IL6R: variants seen among roughly 807,000 people sequenced by gnomAD.
IL6R encodes interleukin 6 receptor, also known as interleukin-6 receptor subunit alpha.
A neutral mutation model predicts 48.3 loss-of-function variants in IL6R; 38 were observed. The observed-to-expected ratio is 0.79, with a 90% CI of 0.61 to 1.03. The LOEUF (loss-of-function observed/expected upper bound fraction) is 1.03, where lower values mean the gene tolerates loss of function less well. Ranked by LOEUF, IL6R falls within the 50% of genes least tolerant of loss-of-function variation. IL6R has a pLI of 0.00. For synonymous variants in IL6R, 264 were observed against 256.2 expected, an observed-to-expected ratio of 1.03 and a Z score of -0.29; for missense variants, 534 against 618.3, an observed-to-expected ratio of 0.86 and a Z score of 1.45.
intron 3 of IL6R, among the ~76,000 whole-genome samples, chr1:154,433,775 A>T (rs1007239803): frequency 1.3e-5 from 2 of 151,264 alleles, no homozygotes; most frequent in African/African-American, 4.9e-5. Flanking sequence ...CCCAGGCTGG[A>T]GTGCAGTCTC....
rs1691502650 is a variant in IL6R, at chr1:154,465,309, A to T, written c.1336A>T (p.Asn446Tyr). The change falls in exon 10 of 10, where the codon AAC becomes TAC. Residue 446 changes from asparagine to tyrosine, a missense_variant. Coordinates refer to ENST00000368485, the MANE Select transcript of IL6R (RefSeq NM_000565.4). ...SLGSDNTSSH[N>Y]RPDARDPRSP... The stretch of plus-strand genomic sequence containing the variant: ...GGGGTCTGACAATACCTCGAGCCAC[A>T]ACCGACCAGATGCCAGGGACCCACG... The T allele has an allele frequency of 6.2e-7, 1 of 1,614,082 alleles. No homozygotes were observed. The highest frequency in any genetic ancestry group is 1.3e-5 in the African/African-American group (1 of 74,928).
Position 154,405,555 on chromosome 1 carries a change from T to G in IL6R, c.-75T>G. The G allele has an allele frequency of 2.6e-5, 1 of 38,370 alleles. No individual in the cohort carries two copies. The highest frequency in any genetic ancestry group is 4.7e-5 in the Non-Finnish European group (1 of 21,248). 2.4% of individuals were successfully genotyped at this position (38,370 alleles called of 1,614,324 possible). ...CCCGCCCACCGCCCCGCCCCGCCCCTGCCACCCCTGCCGCCCGGTTCCCAT... is the reference window on the plus strand; with the variant it reads ...CCCGCCCACCGCCCCGCCCCGCCCCGGCCACCCCTGCCGCCCGGTTCCCAT... On this transcript the variant is annotated 5_prime_UTR_variant, in exon 1 of 10. Coordinates refer to ENST00000368485, the MANE Select transcript of IL6R (RefSeq NM_000565.4). This position sits in a 1 kb window ranked among gnomAD's most constrained non-coding sequence, Gnocchi z 5.2.
chr1:154,446,362 T>G (rs1690229012), intron 6 of IL6R, among the ~76,000 whole-genome samples: 1 of 152,148 alleles, frequency 6.6e-6, no homozygotes, highest in South Asian at 2.1e-4. Context: ...TCCCCCTTAC[T>G]GGTGATGGCA....
At chr1:154,463,214 A>G (rs1039392356) in intron 9 of IL6R, among the ~76,000 whole-genome samples, 1 of 152,064 alleles carries the variant, frequency 6.6e-6, no homozygotes, top group East Asian at 1.9e-4. Flanking sequence ...CCTGGGTCAG[A>G]GAGTCTGAAT....
intron 3 of IL6R, among the ~76,000 whole-genome samples, chr1:154,433,002 G>C (rs1343798044): frequency 6.6e-6 from 1 of 152,254 alleles, no homozygotes; most frequent in African/African-American, 2.4e-5. Context: ...GGTGAGCTCA[G>C]CCTCTGCCTT....
At position 154,434,630 on chromosome 1, in the gene IL6R, G is replaced by A; in HGVS notation, c.570G>A (p.Val190=). Residue 190 remains valine, a synonymous_variant, in exon 4 of 10, where the codon GTG becomes GTA. Coordinates refer to ENST00000368485, the MANE Select transcript of IL6R (RefSeq NM_000565.4). ...VPEGDSSFYI[V]SMCVASSVGS... Reference sequence around the variant, plus strand: ...AGGGAGACAGCTCTTTCTACATAGTGTCCATGTGCGTCGCCAGTAGTGTCG... The same window carrying A: ...AGGGAGACAGCTCTTTCTACATAGTATCCATGTGCGTCGCCAGTAGTGTCG... The A allele has an allele frequency of 1.2e-6, 2 of 1,614,152 alleles. No individual in the cohort carries two copies. The highest frequency in any genetic ancestry group is 1.7e-5 in the Admixed American group (1 of 60,020).
chr1:154,423,956 G>A (rs1438331345), intron 1 of IL6R, among the ~76,000 whole-genome samples: 2 of 152,322 alleles, frequency 1.3e-5, no homozygotes, highest in Middle Eastern at 3.4e-3. Context: ...CAGGCTGGCC[G>A]CTAAACATGG....
chr1:154,432,808 G>A (rs574084849), intron 3 of IL6R, among the ~76,000 whole-genome samples: 163 of 152,334 alleles, frequency 1.1e-3, no homozygotes, highest in African/African-American at 3.9e-3. Context: ...AGGGGAAGTG[G>A]CTTCGAGAGC....
rs574651297 is a variant in IL6R at position 154,430,424 on chromosome 1, G to A, written c.335-59G>A. ...TCAAGGGAGGCTGCCCTGTCTGCGA[G>A]GTCAGTGCGCCCCAGGATCCCCGCC... On this transcript the variant is annotated intron_variant, in intron 2 of 9. Transcript: ENST00000368485. The A allele has an allele frequency of 1.0e-4, 161 of 1,594,442 alleles. 1 individual carries two copies. The South Asian group carries it at 1.6e-3, about 15-fold the overall frequency.
chr1:154,412,060 G>A (rs985990377), intron 1 of IL6R, among the ~76,000 whole-genome samples: 1 of 148,938 alleles, frequency 6.7e-6, no homozygotes, highest in African/African-American at 2.5e-5. Flanking sequence ...CAGTTCTCCT[G>A]CCTCAGCCTC....
rs140751039 is a variant in IL6R at position 154,410,253 on chromosome 1, CT to C, written c.85+4553del. Among the ~76,000 whole-genome samples the C allele has an allele frequency of 9.1e-3, 1,301 of 143,256 alleles. 2 individuals are homozygous for C. Among genetic ancestry groups the C allele is most frequent in the African/African-American group, 0.014 (558 of 39,168 alleles). 94.0% of individuals were successfully genotyped at this position (143,256 alleles called of 152,430 possible). A position where few individuals can be genotyped will look rare whatever the true frequency, so the allele number is the denominator to read the frequency against. On this transcript the variant is annotated intron_variant, in intron 1 of 9. Transcript: ENST00000368485. ...AAGGGGAAGGTGACAAAGAAAAGGC[CT>C]TTTTTTTTTTTTTAAATACAGGATC...
chr1:154,456,845 GA>G (rs1164612861), intron 9 of IL6R, among the ~76,000 whole-genome samples: 2 of 152,104 alleles, frequency 1.3e-5, no homozygotes, highest in African/African-American at 4.8e-5. Flanking sequence ...GATCCAAGGT[GA>G]AAAGTTCTGT....
chr1:154,461,641 T>A (rs1404200221), intron 9 of IL6R, among the ~76,000 whole-genome samples: 1 of 152,262 alleles, frequency 6.6e-6, no homozygotes, highest in East Asian at 1.9e-4. Context: ...TAATTGTTCA[T>A]GATCATCTCT....
rs547340424 is a variant in IL6R, at chr1:154,425,937, G to A, written c.86-3259G>A. On this transcript the variant is annotated intron_variant, in intron 1 of 9. Coordinates refer to ENST00000368485, the MANE Select transcript of IL6R (RefSeq NM_000565.4). Reference sequence around the variant, plus strand: ...TCTAGTAAAAATTAAAAAATTAGCCGGGCATGGTGGTGTGCACCTCCCAGT... The same window carrying A: ...TCTAGTAAAAATTAAAAAATTAGCCAGGCATGGTGGTGTGCACCTCCCAGT... Among the ~76,000 whole-genome samples the A allele has an allele frequency of 4.0e-4, 60 of 151,674 alleles. 1 individual carries two copies. Among genetic ancestry groups the A allele is most frequent in the Admixed American group, 1.1e-3 (16 of 15,194 alleles).
At chr1:154,454,156 A>T (rs1391642339) in intron 8 of IL6R, 1 of 347,390 alleles carries the variant, frequency 2.9e-6, no homozygotes, top group South Asian at 3.5e-5. Context: ...ATGTCACCAG[A>T]AAAGCCACTC....
intron 1 of IL6R, among the ~76,000 whole-genome samples, chr1:154,426,076 G>GGCAC (rs1688944732): frequency 8.3e-6 from 1 of 119,880 alleles, no homozygotes; most frequent in Admixed American, 8.5e-5. Flanking sequence ...CCCTGTATCA[G>GGCAC]ACACACACAC....
chr1:154,442,925 C>T, intron 6 of IL6R, among the ~76,000 whole-genome samples: 1 of 151,982 alleles, frequency 6.6e-6, no homozygotes, highest in South Asian at 2.1e-4. Context: ...CATCACGATG[C>T]CCAGCTAATT....
rs922875497 is a variant in IL6R, at chr1:154,467,690, C to T, written c.*2310C>T. 5.3e-5 allele frequency: 8 copies of T among 152,194 alleles called. No individual in the cohort carries two copies. The highest frequency in any genetic ancestry group is 1.9e-4 in the African/African-American group (8 of 41,488). The allele number at this position is 152,194 out of a possible 1,614,324, so 9.4% of individuals were successfully genotyped here. A position where few individuals can be genotyped will look rare whatever the true frequency, so the allele number is the denominator to read the frequency against. ...CCAAGGTGGGAGGATTGCTTGAGCT[C>T]AGGAGTTTGAGACCAACCTGGGTAA... On this transcript the variant is annotated 3_prime_UTR_variant, in exon 10 of 10. Coordinates refer to ENST00000368485, the MANE Select transcript of IL6R (RefSeq NM_000565.4).
chr1:154,429,241 C>G lies in IL6R; in HGVS notation c.131C>G (p.Thr44Ser), dbSNP rs1385728956. 1 of 1,614,112 alleles carries G rather than the reference C, an allele frequency of 6.2e-7. No homozygotes were observed. The highest frequency in any genetic ancestry group is 2.2e-5 in the East Asian group (1 of 44,880). Reference sequence around the variant, plus strand: ...ACCAGTCTGCCAGGAGACAGCGTGACTCTGACCTGCCCGGGGGTAGAGCCG... The same window carrying G: ...ACCAGTCTGCCAGGAGACAGCGTGAGTCTGACCTGCCCGGGGGTAGAGCCG... The part of the protein sequence containing the change: ...VLTSLPGDSV[T>S]LTCPGVEPED... Residue 44 changes from threonine to serine, a missense_variant, in exon 2 of 10, where the codon ACT becomes AGT. Transcript: ENST00000368485.
Sources: gnomAD v4.1 joint callset for allele counts (sites outside exome capture counted in the v4.1 genomes callset) on GRCh38, gnomAD v4.1.1 for gene constraint, Gnocchi (gnomAD v3.1) non-coding constraint, MANE v1.5 for transcripts, NCBI Gene and HGNC (gene_info 2026-07-23, HGNC 2026-07-21) for gene names.